CDKAL1: variants seen among roughly 807,000 people sequenced by gnomAD.
CDKAL1 encodes CDKAL1 threonylcarbamoyladenosine tRNA methylthiotransferase, also known as threonylcarbamoyladenosine tRNA methylthiotransferase.
Under a neutral mutation model 68.2 loss-of-function variants are expected in CDKAL1, and 32 were observed. The ratio of observed to expected loss-of-function variants is 0.47; its 90% confidence interval spans 0.35 to 0.63. The LOEUF is 0.63. Among genes scored for constraint, CDKAL1 ranks in the 30% least tolerant of loss-of-function variants. The probability of loss-of-function intolerance (pLI) is 0.00; values close to 1 mark genes in which losing one functional copy is unlikely to be tolerated. For missense variants in CDKAL1, 606 were observed against 696.7 expected, an observed-to-expected ratio of 0.87 and a Z score of 1.47; for synonymous variants, 234 against 244.3, an observed-to-expected ratio of 0.96 and a Z score of 0.39.
Position 20,781,254 on chromosome 6 carries a change from C to A in CDKAL1, c.627C>A (p.Ser209=). ...AGAATCCACTGATAGAAATCATTTCCATCAATACCGGGTAAGCATCTCTCA... is the reference window on the plus strand; with the variant it reads ...AGAATCCACTGATAGAAATCATTTCAATCAATACCGGGTAAGCATCTCTCA... The part of the protein sequence containing the change: ...IRKNPLIEII[S]INTGCLNACT... Residue 209 remains serine (S), a synonymous_variant, in exon 8 of 16, where the codon TCC becomes TCA. Coordinates refer to ENST00000274695, the MANE Select transcript of CDKAL1 (RefSeq NM_017774.3). 6.2e-7 allele frequency: 1 copy of A among 1,611,436 alleles called. No homozygotes were observed. Among genetic ancestry groups the A allele is most frequent in the Non-Finnish European group, 8.5e-7 (1 of 1,178,518 alleles).
At chr6:21,108,320 T>C (rs1186023762) in intron 12 of CDKAL1, 81 bp from the exon 13 acceptor site, 11 of 836,990 alleles carry the variant, frequency 1.3e-5, no homozygotes, top group Non-Finnish European at 2.0e-5. Flanking sequence ...TAGAGATATA[T>C]ACACACATGT....
intron 9 of CDKAL1, among the ~76,000 whole-genome samples, chr6:20,916,480 G>A (rs1359490598): frequency 6.6e-6 from 1 of 152,172 alleles, no homozygotes; most frequent in Non-Finnish European, 1.5e-5. Context: ...AATAACAAGA[G>A]TATAGCACTG....
chr6:20,702,253 A>G (rs569327470), intron 5 of CDKAL1, among the ~76,000 whole-genome samples: 94 of 152,258 alleles, frequency 6.2e-4, no homozygotes, highest in Middle Eastern at 6.8e-3. Flanking sequence ...CTCTGACCCC[A>G]TGGCAGTGTC....
At chr6:20,566,241 C>G (rs1000583187) in intron 4 of CDKAL1, among the ~76,000 whole-genome samples, 23 of 152,126 alleles carry the variant, frequency 1.5e-4, no homozygotes, top group African/African-American at 5.1e-4. Flanking sequence ...CAGATTTTGC[C>G]TGGTTCCTTT....
intron 11 of CDKAL1, among the ~76,000 whole-genome samples, chr6:21,040,590 C>T (rs893431620): frequency 3.9e-5 from 6 of 152,000 alleles, no homozygotes; most frequent in African/African-American, 4.8e-5. Flanking sequence ...ACTAAAAATT[C>T]GTATTTAATT....
intron 13 of CDKAL1, among the ~76,000 whole-genome samples, chr6:21,197,270 C>G (rs1454578579): frequency 6.6e-6 from 1 of 152,096 alleles, no homozygotes; most frequent in South Asian, 2.1e-4. Context: ...CTTCTTTACC[C>G]ATTGTTTTGG....
intron 5 of CDKAL1, among the ~76,000 whole-genome samples, chr6:20,658,465 T>C (rs944766173): frequency 6.6e-6 from 1 of 152,242 alleles, no homozygotes; most frequent in Non-Finnish European, 1.5e-5. Context: ...AGAGGATATC[T>C]GCTTTGTATA....
At chr6:20,703,499 G>C (rs1347508811) in intron 5 of CDKAL1, among the ~76,000 whole-genome samples, 1 of 151,968 alleles carries the variant, frequency 6.6e-6, no homozygotes, top group African/African-American at 2.4e-5. Context: ...ATTTGCTGTT[G>C]AAAACAAAGG....
At chr6:20,780,664 CTTTTTCTTTTT>C (rs1191592985) in intron 7 of CDKAL1, among the ~76,000 whole-genome samples, 3 of 138,236 alleles carry the variant, frequency 2.2e-5, no homozygotes, top group East Asian at 2.1e-4. Context: ...TTTTTCATTT[CTTTTTCTTTTT>C]TTTTTTTTTT....
chr6:20,586,396 G>T (rs1416410520), intron 4 of CDKAL1, among the ~76,000 whole-genome samples: 2 of 152,198 alleles, frequency 1.3e-5, no homozygotes, highest in East Asian at 3.8e-4. Context: ...CCAGCACTTT[G>T]GGAGGCCAAG....
intron 12 of CDKAL1, among the ~76,000 whole-genome samples, chr6:21,077,256 A>G (rs982059585): frequency 1.3e-5 from 2 of 152,082 alleles, no homozygotes; most frequent in Non-Finnish European, 2.9e-5. Flanking sequence ...TTGTTTGTAC[A>G]ATTGGTTGAT....
intron 8 of CDKAL1, among the ~76,000 whole-genome samples, chr6:20,799,571 C>T (rs533994418): frequency 4.6e-5 from 7 of 152,264 alleles, no homozygotes; most frequent in South Asian, 2.1e-4. Flanking sequence ...AAAAATTTAA[C>T]GTATGATTTT....
chr6:20,586,483 C>G (rs1561944523), intron 4 of CDKAL1, among the ~76,000 whole-genome samples: 1 of 152,086 alleles, frequency 6.6e-6, no homozygotes, highest in Non-Finnish European at 1.5e-5. Flanking sequence ...ACTAAAAATA[C>G]AAAAATTAGC....
chr6:20,853,390 AC>A (rs201781106), intron 9 of CDKAL1, among the ~76,000 whole-genome samples: 1,031 of 12,224 alleles, frequency 0.084, 25 homozygotes, highest in African/African-American at 0.15. Flanking sequence ...AAAAAACAAA[AC>A]AAAAAAAAAA....
intron 4 of CDKAL1, among the ~76,000 whole-genome samples, chr6:20,647,447 C>T (rs960658009): frequency 2.0e-5 from 3 of 152,110 alleles, no homozygotes; most frequent in African/African-American, 2.4e-5. Context: ...TTTAGTGTGC[C>T]GTGACAATTT....
At chr6:20,631,386 T>TTACA (rs1415339541) in intron 4 of CDKAL1, among the ~76,000 whole-genome samples, 1 of 152,140 alleles carries the variant, frequency 6.6e-6, no homozygotes, top group Non-Finnish European at 1.5e-5. Context: ...AATGATCAAG[T>TTACA]TACACTCTTC....
chr6:20,725,231 G>A (rs953119473), intron 5 of CDKAL1, among the ~76,000 whole-genome samples: 12 of 151,934 alleles, frequency 7.9e-5, no homozygotes, highest in Non-Finnish European at 1.3e-4. Flanking sequence ...TAGGGGAGGT[G>A]AACTAATTAT....
At chr6:20,887,753 C>T (rs1302651719) in intron 9 of CDKAL1, among the ~76,000 whole-genome samples, 1 of 143,278 alleles carries the variant, frequency 7.0e-6, no homozygotes, top group Non-Finnish European at 1.5e-5. Flanking sequence ...TCAGAACTCA[C>T]TCGCTTAAGA....
In CDKAL1 at chr6:20,804,864, T is replaced by G. The variant is rs141461712; in HGVS notation, c.638+23599T>G. 3.3e-3 allele frequency among the ~76,000 whole-genome samples: 500 copies of G among 152,296 alleles called. 2 individuals carry two copies. Among genetic ancestry groups the G allele is most frequent in the African/African-American group, 0.011 (454 of 41,558 alleles). On this transcript the variant is annotated intron_variant, in intron 8 of 15. Coordinates refer to ENST00000274695, the MANE Select transcript of CDKAL1 (RefSeq NM_017774.3). ...CCTGGAGTACAAACGCCTGCTTTCC[T>G]TCTGCTAGTCTACTGTTTTGATAGT... is the stretch of plus-strand genomic sequence containing the variant.
Sources: allele counts gnomAD v4.1 joint callset (sites outside exome capture counted in the v4.1 genomes callset), GRCh38; gene constraint gnomAD v4.1.1; transcripts MANE v1.5; gene names NCBI Gene and HGNC (gene_info 2026-07-23, HGNC 2026-07-21).